ABCA6: variants seen among roughly 807,000 people sequenced by gnomAD.
The protein encoded by ABCA6 is ATP binding cassette subfamily A member 6, also known as ATP-binding cassette sub-family A member 6.
A neutral mutation model predicts 191.2 loss-of-function variants in ABCA6; 164 were observed. The ratio of observed to expected loss-of-function variants is 0.86; its 90% confidence interval spans 0.76 to 0.98. The LOEUF (loss-of-function observed/expected upper bound fraction) is 0.98. Among genes scored for constraint, ABCA6 ranks in the 50% least tolerant of loss-of-function variants. The pLI, the probability that ABCA6 is intolerant of heterozygous loss-of-function variation, is 0.00. For missense variants in ABCA6, 1,958 were observed against 1,894.1 expected (o/e 1.03, Z -0.63); for synonymous variants, 636 against 647.7 (o/e 0.98, Z 0.27).
intron 12 of ABCA6, 141 bp from the exon 13 acceptor site, chr17:69,115,078 CT>C: frequency 1.4e-6 from 1 of 698,038 alleles, no homozygotes; most frequent in Non-Finnish European, 2.3e-6. Flanking sequence ...TAAATATATG[CT>C]TATAGAACTG....
At chr17:69,083,471 A>C in intron 34 of ABCA6, 140 bp from the exon 35 acceptor site, 2 of 731,658 alleles carry the variant, frequency 2.7e-6, no homozygotes, top group Non-Finnish European at 3.9e-6. Flanking sequence ...GTTTTTGATA[A>C]CATAAATAAC....
chr17:69,090,615 T>C (rs1312333060), intron 26 of ABCA6, among the ~76,000 whole-genome samples: 1 of 152,226 alleles, frequency 6.6e-6, no homozygotes, highest in Non-Finnish European at 1.5e-5. Flanking sequence ...TTGGTCTGCC[T>C]TTGCCTCCAC....
intron 18 of ABCA6, 96 bp from the exon 19 acceptor site, chr17:69,106,307 A>G: frequency 8.1e-7 from 1 of 1,229,944 alleles, no homozygotes; most frequent in Non-Finnish European, 1.1e-6. Context: ...AAATAGTATT[A>G]CATGGCCAGG....
chr17:69,091,746 T>C (rs2072928118), intron 25 of ABCA6, among the ~76,000 whole-genome samples: 1 of 21,088 alleles, frequency 4.7e-5, no homozygotes, highest in Admixed American at 3.7e-4. Context: ...ATGGTCTCGA[T>C]CTCCTGACCT....
intron 18 of ABCA6, among the ~76,000 whole-genome samples, chr17:69,106,592 C>T (rs1156914472): frequency 3.8e-4 from 6 of 15,650 alleles, no homozygotes; most frequent in South Asian, 2.1e-3. Flanking sequence ...GACTCCATCT[C>T]GAAAAAAAAA....
intron 21 of ABCA6, among the ~76,000 whole-genome samples, chr17:69,101,531 G>T (rs909584493): frequency 6.6e-5 from 10 of 151,768 alleles, no homozygotes; most frequent in African/African-American, 2.4e-4. Context: ...AGAAGGCAGA[G>T]GTTGTAGTGA....
chr17:69,081,215 T>G, intron 36 of ABCA6, 70 bp from the exon 37 acceptor site: 1 of 739,558 alleles, frequency 1.4e-6, no homozygotes, highest in Non-Finnish European at 2.3e-6. Flanking sequence ...GAATAAATAT[T>G]GATATTACCA....
Position 69,087,370 on chromosome 17 carries a change from T to C in ABCA6, c.3802A>G (p.Thr1268Ala). 11 of 1,613,472 alleles carry C rather than the reference T, an allele frequency of 6.8e-6. No homozygotes were observed. The highest frequency in any genetic ancestry group is 1.3e-5 in the African/African-American group (1 of 75,006). The change falls in exon 29 of 39, where the codon ACT becomes GCT. Residue 1268 changes from threonine (T) to alanine (A), a missense_variant. Physicochemically the swap from Thr to Ala is moderately conservative, Grantham distance 58. Transcript: ENST00000284425. ...TTTTTTACCTCATCTAAGATTGAAG[T>C]GGTCAGAGCAGTGGCTGTTCTTATT... ...ERIRTATALT[T>A]SILDEKPVII...
chr17:69,092,759 T>G (rs1056486846), intron 25 of ABCA6, among the ~76,000 whole-genome samples: 1 of 152,222 alleles, frequency 6.6e-6, no homozygotes, highest in Non-Finnish European at 1.5e-5. Context: ...AAAGGACAAC[T>G]GCATTGAATA....
Position 69,119,706 on chromosome 17 carries a change from T to C in ABCA6, c.1437-1750A>G, listed in dbSNP as rs16973609. Reference sequence around the variant, plus strand: ...TGCACAAAGCTTAGTGCTTTTTGTCTTTTCTGCTGGGTGTGTCATACACAT... The same window carrying C: ...TGCACAAAGCTTAGTGCTTTTTGTCCTTTCTGCTGGGTGTGTCATACACAT... On this transcript the variant is annotated intron_variant, in intron 10 of 38. Coordinates refer to ENST00000284425, the MANE Select transcript of ABCA6 (RefSeq NM_080284.3). Among the ~76,000 whole-genome samples the C allele has an allele frequency of 4.9e-3, 750 of 152,126 alleles. 23 individuals carry two copies. The East Asian group carries it at 0.091, about 18-fold the overall frequency.
intron 28 of ABCA6, 63 bp downstream of exon 28, chr17:69,088,104 C>T: frequency 7.3e-7 from 1 of 1,365,942 alleles, no homozygotes; most frequent in Admixed American, 2.0e-5. Flanking sequence ...AAGATGATAG[C>T]ACAGACACCA....
chr17:69,098,918 A>C (rs2073113362), intron 22 of ABCA6, among the ~76,000 whole-genome samples: 1 of 152,218 alleles, frequency 6.6e-6, no homozygotes, highest in Non-Finnish European at 1.5e-5. Context: ...GTACACTTGC[A>C]AACAGCTAAA....
Position 69,096,217 on chromosome 17 carries a change from A to G in ABCA6, c.3408+23T>C, listed in dbSNP as rs541039621. The G allele has an allele frequency of 8.6e-6, 10 of 1,161,072 alleles. No individual in the cohort carries two copies. The South Asian group carries it at 1.9e-4, about 22-fold the overall frequency. 71.9% of individuals were successfully genotyped at this position (1,161,072 alleles called of 1,614,324 possible). A position where few individuals can be genotyped will look rare whatever the true frequency, so the allele number is the denominator to read the frequency against. ...GTTTAAAAAATAACACTATTTCTCT[A>G]TTTGTATGTATTATATACTTACAAA... On this transcript the variant is annotated intron_variant, in intron 25 of 38. Transcript: ENST00000284425.
intron 22 of ABCA6, 119 bp downstream of exon 22, chr17:69,100,678 G>A: frequency 9.0e-7 from 1 of 1,117,050 alleles, no homozygotes; most frequent in Middle Eastern, 3.1e-4. Context: ...AAAATATTAG[G>A]ATAAAATAAT....
chr17:69,090,855 C>A (rs949969137), intron 26 of ABCA6, among the ~76,000 whole-genome samples: 1 of 152,140 alleles, frequency 6.6e-6, no homozygotes, highest in Admixed American at 6.5e-5. Flanking sequence ...CTATATTTTG[C>A]AAAGTGAATA....
At position 69,085,131 on chromosome 17, in the gene ABCA6, G is replaced by C; in HGVS notation, c.4081C>G (p.Gln1361Glu). Reference sequence around the variant, plus strand: ...AGCATGGGCCACAGCACGTTCTCTTGAGGGCAGTACCCCAGGTGGCCCAAA... The same window carrying C: ...AGCATGGGCCACAGCACGTTCTCTTCAGGGCAGTACCCCAGGTGGCCCAAA... ...SVLGHLGYCPQENVLWPMLTL... is the reference protein window; with the variant it reads ...SVLGHLGYCPEENVLWPMLTL... The change falls in exon 32 of 39, where the codon CAA (glutamine) becomes GAA (glutamate). Residue 1361 changes from glutamine (Q) to glutamate (E), a missense_variant. Gln to Glu is a conservative substitution (Grantham distance 29). Transcript: ENST00000284425. The C allele has an allele frequency of 6.2e-7, 1 of 1,612,884 alleles. No homozygotes were observed. Among genetic ancestry groups the C allele is most frequent in the Non-Finnish European group, 8.5e-7 (1 of 1,179,508 alleles).
intron 17 of ABCA6, chr17:69,110,486 G>A (rs1001273821): frequency 3.6e-5 from 9 of 247,676 alleles, no homozygotes; most frequent in Admixed American, 2.6e-4. Context: ...GTGACAAAAC[G>A]CTGAGCCCAC....
intron 2 of ABCA6, among the ~76,000 whole-genome samples, chr17:69,139,241 A>C (rs1316835436): frequency 3.9e-5 from 6 of 152,172 alleles, no homozygotes; most frequent in Non-Finnish European, 8.8e-5. Context: ...AACTCAAACA[A>C]ATTTACAAGA....
intron 8 of ABCA6, among the ~76,000 whole-genome samples, chr17:69,126,323 C>A (rs1340243098): frequency 1.3e-5 from 2 of 152,032 alleles, no homozygotes; most frequent in Non-Finnish European, 2.9e-5. Flanking sequence ...CAGAATGAAT[C>A]AAATAAAAAT....
Sources: gnomAD v4.1 joint callset for allele counts (sites outside exome capture counted in the v4.1 genomes callset) on GRCh38, gnomAD v4.1.1 for gene constraint, MANE v1.5 for transcripts, NCBI Gene and HGNC (gene_info 2026-07-23, HGNC 2026-07-21) for gene names.